The following MNS1 variants were observed in gnomAD, a reference collection of about 807,000 sequenced individuals.
MNS1 encodes meiosis-specific nuclear structural protein 1.
In MNS1, 63 loss-of-function variants were observed where a neutral mutation model predicts 72.0. The observed-to-expected ratio is 0.87, with a 90% CI of 0.71 to 1.08. The LOEUF (loss-of-function observed/expected upper bound fraction) is 1.08, where lower values mean the gene tolerates loss of function less well. Ranked by LOEUF, MNS1 falls within the 50% of genes least tolerant of loss-of-function variation. MNS1 has a pLI of 0.00. For missense variants in MNS1, 604 were observed against 562.4 expected, an observed-to-expected ratio of 1.07 and a Z score of -0.75; for synonymous variants, 188 against 172.1, an observed-to-expected ratio of 1.09 and a Z score of -0.72.
chr15:56,450,253 A>C (rs181117733), intron 3 of MNS1, among the ~76,000 whole-genome samples: 8 of 152,306 alleles, frequency 5.3e-5, no homozygotes, highest in Admixed American at 5.2e-4. Context: ...ATTTTTTATC[A>C]TGTGAAAATA....
At chr15:56,461,226 A>T (rs1388741475) in intron 2 of MNS1, among the ~76,000 whole-genome samples, 1 of 152,160 alleles carries the variant, frequency 6.6e-6, no homozygotes, top group Non-Finnish European at 1.5e-5. Flanking sequence ...AACCTCACAG[A>T]AACACCGAGA....
In MNS1 at chr15:56,443,639, G is replaced by A. The variant is rs747033452; in HGVS notation, c.902C>T (p.Ala301Val). 3.3e-5 allele frequency: 53 copies of A among 1,609,846 alleles called. No homozygotes were observed. Among genetic ancestry groups the A allele is most frequent in the Non-Finnish European group, 4.0e-5 (47 of 1,178,250 alleles). The change falls in exon 6 of 10, where the codon GCG becomes GTG. Residue 301 changes from alanine (A) to valine (V), a missense_variant and splice_region_variant. Coordinates refer to ENST00000260453, the MANE Select transcript of MNS1 (RefSeq NM_018365.4). ...TTAAAGAAGTGGTTATTTTAATACC[G>A]CATTCTGAAGCTGTAGCCTTTTCTC... Reference protein sequence around the residue: ...NEEKRLQLQNALTQKLEEMLR... With the variant: ...NEEKRLQLQNVLTQKLEEMLR...
In MNS1 at chr15:56,445,137, T is replaced by G. The variant is rs563369788; in HGVS notation, c.457-464A>C. Among the ~76,000 whole-genome samples, 3 of 152,158 alleles carry G rather than the reference T, an allele frequency of 2.0e-5. No homozygotes were observed. The South Asian group carries it at 6.2e-4, about 32-fold the overall frequency. The stretch of plus-strand genomic sequence containing the variant: ...AATGGCTTTGAGCAGCTCTTAAGTT[T>G]CTCCTAGCCTAAACTTTCTTTCCTG... On this transcript the variant is annotated intron_variant, in intron 4 of 9. Transcript: ENST00000260453.
intron 2 of MNS1, among the ~76,000 whole-genome samples, chr15:56,462,634 G>A (rs1386232667): frequency 6.6e-6 from 1 of 152,118 alleles, no homozygotes; most frequent in Non-Finnish European, 1.5e-5. Flanking sequence ...AGAAAAACAC[G>A]GTGAAGGAGG....
intron 3 of MNS1, among the ~76,000 whole-genome samples, chr15:56,449,322 C>CTTTTTTTTTTTTTTTTTTTTTTTTTT (rs576363039): frequency 1.3e-5 from 2 of 151,262 alleles, no homozygotes; most frequent in East Asian, 2.0e-4. Flanking sequence ...TTGCTACACT[C>CTTTTTTTTTTTTTTTTTTTTTTTTTT]TTTTTATTAA....
Position 56,443,622 on chromosome 15 carries a change from G to C in MNS1, c.903+16C>G. ...TCAGAATTTTACTAGTGTTAAAGAA[G>C]TGGTTATTTTAATACCGCATTCTGA... On this transcript the variant is annotated intron_variant, in intron 6 of 9. Transcript: ENST00000260453. The C allele has an allele frequency of 6.2e-7, 1 of 1,605,484 alleles. No individual in the cohort carries two copies. Among genetic ancestry groups the C allele is most frequent in the Non-Finnish European group, 8.5e-7 (1 of 1,176,192 alleles).
chr15:56,463,809 C>A, intron 2 of MNS1: 3 of 474,076 alleles, frequency 6.3e-6, no homozygotes, highest in Non-Finnish European at 1.1e-5. Flanking sequence ...AAGCAACTTA[C>A]TCAAGGGTCC....
intron 3 of MNS1, among the ~76,000 whole-genome samples, chr15:56,452,744 T>A (rs1212206409): frequency 6.6e-6 from 1 of 152,100 alleles, no homozygotes; most frequent in East Asian, 1.9e-4. Flanking sequence ...GGTCTCGATC[T>A]CCTGACCCTG....
chr15:56,430,931 C>G (rs1295074553), intron 9 of MNS1, among the ~76,000 whole-genome samples: 5 of 152,174 alleles, frequency 3.3e-5, no homozygotes, highest in Admixed American at 3.3e-4. Flanking sequence ...GAGGCTGAGG[C>G]AGATGGATCA....
At chr15:56,463,843 G>A (rs2094225410) in intron 2 of MNS1, 183 bp downstream of exon 2, 1 of 589,184 alleles carries the variant, frequency 1.7e-6, no homozygotes, top group South Asian at 2.2e-5. Context: ...AGCAGTAGTA[G>A]GATTCAAAGA....
intron 1 of MNS1, among the ~76,000 whole-genome samples, chr15:56,464,613 G>A (rs2051046555): frequency 6.6e-6 from 1 of 151,320 alleles, no homozygotes; most frequent in Non-Finnish European, 1.5e-5. Flanking sequence ...ACCACCACAG[G>A]GCCATAAAGT....
In MNS1 at chr15:56,443,513, G is replaced by C; in HGVS notation, c.928C>G (p.Leu310Val). The change falls in exon 7 of 10, where the codon CTG becomes GTG. Residue 310 changes from leucine to valine, a missense_variant. Transcript: ENST00000260453. ...TGTTCCAAATCTTCACGTTGCCGCA[G>C]CATTTCTTCTAATTTCTGTGTCAAC... ...NALTQKLEEM[L>V]RQREDLEQVR... 6.3e-7 allele frequency: 1 copy of C among 1,597,974 alleles called. No individual in the cohort carries two copies. Among genetic ancestry groups the C allele is most frequent in the Admixed American group, 1.8e-5 (1 of 56,730 alleles).
At chr15:56,444,857 C>G (rs1280881120) in intron 4 of MNS1, among the ~76,000 whole-genome samples, 184 bp from the exon 5 acceptor site, 1 of 152,000 alleles carries the variant, frequency 6.6e-6, no homozygotes, top group Non-Finnish European at 1.5e-5. Flanking sequence ...AAGTCAGACC[C>G]TAAAGCAGCT....
chr15:56,435,156 C>T (rs1229970960), intron 7 of MNS1, among the ~76,000 whole-genome samples: 1 of 151,956 alleles, frequency 6.6e-6, no homozygotes, highest in Non-Finnish European at 1.5e-5. Context: ...TTCTGAGAAA[C>T]ATTTATAGCA....
chr15:56,438,339 T>C (rs933464023), intron 7 of MNS1, among the ~76,000 whole-genome samples: 3 of 151,928 alleles, frequency 2.0e-5, no homozygotes, highest in Non-Finnish European at 4.4e-5. Flanking sequence ...GCTCTTTTTT[T>C]TTGTTACAAA....
At chr15:56,437,888 C>G (rs2140341313) in intron 7 of MNS1, among the ~76,000 whole-genome samples, 1 of 152,194 alleles carries the variant, frequency 6.6e-6, no homozygotes. Context: ...GAATAAAATA[C>G]CTAGGAATCC....
At chr15:56,434,431 T>C (rs951602086) in intron 7 of MNS1, 36 bp from the exon 8 acceptor site, 6 of 1,569,930 alleles carry the variant, frequency 3.8e-6, no homozygotes, top group Non-Finnish European at 5.2e-6. Flanking sequence ...TTAGTAACTA[T>C]TTCCTTACAC....
At chr15:56,444,387 C>G (rs987723844) in intron 5 of MNS1, 57 bp downstream of exon 5, 3 of 1,443,058 alleles carry the variant, frequency 2.1e-6, no homozygotes, top group African/African-American at 2.8e-5. Flanking sequence ...TCACAACAAA[C>G]CTGTGATATA....
chr15:56,447,756 A>G (rs1351426424), intron 3 of MNS1: 4 of 152,268 alleles, frequency 2.6e-5, no homozygotes, highest in South Asian at 2.1e-4. Flanking sequence ...CACAATCAAG[A>G]TCATGAACAC....
Sources: allele counts gnomAD v4.1 joint callset (sites outside exome capture counted in the v4.1 genomes callset), GRCh38; gene constraint gnomAD v4.1.1; transcripts MANE v1.5; gene names NCBI Gene and HGNC (gene_info 2026-07-23, HGNC 2026-07-21).